The following KSR2 variants were observed in gnomAD, a reference collection of about 807,000 sequenced individuals.
The protein encoded by KSR2 is kinase suppressor of ras 2.
A neutral mutation model predicts 107.8 loss-of-function variants in KSR2; 25 were observed. The observed-to-expected ratio is 0.23, with a 90% CI of 0.17 to 0.32. KSR2 has a LOEUF of 0.32. Ranked by LOEUF, KSR2 falls within the 10% of genes least tolerant of loss-of-function variation. The pLI is 1.00. For missense variants in KSR2, 887 were observed against 1,268.9 expected (o/e 0.70, Z 4.57); for synonymous variants, 480 against 507.0 (o/e 0.95, Z 0.71).
chr12:117,719,451 C>T (rs1167298498), intron 4 of KSR2, among the ~76,000 whole-genome samples: 1 of 152,214 alleles, frequency 6.6e-6, no homozygotes, highest in Non-Finnish European at 1.5e-5. Context: ...CCACCTTGGC[C>T]TCCCAAAGTG....
intron 14 of KSR2, among the ~76,000 whole-genome samples, chr12:117,512,813 C>T (rs942500022): frequency 1.3e-5 from 2 of 152,114 alleles, no homozygotes; most frequent in African/African-American, 4.8e-5. Context: ...ATCCTGGTCC[C>T]AACCTGACAT....
In KSR2 at chr12:117,951,340, A is replaced by G. The variant is rs75231436; in HGVS notation, c.180+16736T>C. Among the ~76,000 whole-genome samples, 209 of 152,306 alleles carry G rather than the reference A, an allele frequency of 1.4e-3. 3 individuals carry two copies. In the East Asian group the frequency reaches 0.037, roughly 27 times the overall value. On this transcript the variant is annotated intron_variant, in intron 1 of 19. Coordinates refer to ENST00000339824, the MANE Select transcript of KSR2 (RefSeq NM_173598.6). Reference sequence around the variant, plus strand: ...CTGCTTCTCCAAGTCAGATATAGATAAAATAAAAACGGTGGCATCTAAACT... The same window carrying G: ...CTGCTTCTCCAAGTCAGATATAGATGAAATAAAAACGGTGGCATCTAAACT...
intron 4 of KSR2, among the ~76,000 whole-genome samples, chr12:117,744,774 C>G (rs1007307463): frequency 2.0e-5 from 3 of 152,172 alleles, no homozygotes; most frequent in African/African-American, 7.2e-5. Context: ...TTTTCTCAAA[C>G]TAGACTTGAA....
intron 9 of KSR2, among the ~76,000 whole-genome samples, chr12:117,546,921 G>A (rs896865588): frequency 1.3e-5 from 2 of 152,094 alleles, no homozygotes; most frequent in African/African-American, 4.8e-5. Context: ...ATTGCTTATT[G>A]AAGTATTTTT....
At chr12:117,828,285 A>C (rs1012619756) in intron 3 of KSR2, among the ~76,000 whole-genome samples, 1 of 152,154 alleles carries the variant, frequency 6.6e-6, no homozygotes, top group Admixed American at 6.5e-5. Context: ...ACTTGTTTCA[A>C]CCTATGATTA....
rs778627658 is a variant in KSR2 at position 117,558,584 on chromosome 12, TAAAG to T, written c.1326-15_1326-12del. Reference sequence around the variant, plus strand: ...TTGTGGCACTTTAACCTGAGAAAGATAAAGAGAGAGAAAGATGGATAGGTGAATG... The same window carrying T: ...TTGTGGCACTTTAACCTGAGAAAGATAGAGAGAAAGATGGATAGGTGAATG... On this transcript the variant is annotated splice_polypyrimidine_tract_variant and intron_variant, in intron 7 of 19. Coordinates refer to ENST00000339824, the MANE Select transcript of KSR2 (RefSeq NM_173598.6). 137 of 1,611,302 alleles carry T rather than the reference TAAAG, an allele frequency of 8.5e-5. No individual in the cohort carries two copies. The highest frequency in any genetic ancestry group is 1.1e-4 in the Non-Finnish European group (131 of 1,177,914).
intron 3 of KSR2, among the ~76,000 whole-genome samples, chr12:117,767,004 C>T (rs892988933): frequency 3.9e-5 from 6 of 151,902 alleles, no homozygotes; most frequent in Admixed American, 3.3e-4. Context: ...CCTGCCTCAG[C>T]CTCTCGAGTA....
chr12:117,965,111 T>C (rs1028104679), intron 1 of KSR2, among the ~76,000 whole-genome samples: 1 of 152,206 alleles, frequency 6.6e-6, no homozygotes, highest in Non-Finnish European at 1.5e-5. Context: ...AATCAAATCA[T>C]CTGCAAGGTG....
At chr12:117,781,376 G>A (rs1889881791) in intron 3 of KSR2, among the ~76,000 whole-genome samples, 2 of 152,172 alleles carry the variant, frequency 1.3e-5, no homozygotes, top group Admixed American at 1.3e-4. Context: ...AAGTGTCCCA[G>A]CCAGAACCAG....
At chr12:117,535,149 C>T (rs796104373) in intron 10 of KSR2, among the ~76,000 whole-genome samples, 10 of 152,098 alleles carry the variant, frequency 6.6e-5, no homozygotes, top group African/African-American at 1.2e-4. Context: ...ACAGTAGATG[C>T]GTAATAAATA....
intron 3 of KSR2, among the ~76,000 whole-genome samples, chr12:117,782,967 CA>C (rs1159170603): frequency 2.0e-5 from 3 of 152,078 alleles, no homozygotes; most frequent in African/African-American, 7.2e-5. Flanking sequence ...CTAAAAGAAA[CA>C]ACAAAGTAAG....
intron 3 of KSR2, among the ~76,000 whole-genome samples, chr12:117,840,736 C>T (rs117226666): frequency 2.0e-5 from 3 of 151,956 alleles, no homozygotes. Context: ...GGCATGGTGG[C>T]TTACGCCTAT....
intron 3 of KSR2, among the ~76,000 whole-genome samples, chr12:117,806,457 C>T (rs1404103057): frequency 6.6e-6 from 1 of 152,166 alleles, no homozygotes; most frequent in East Asian, 1.9e-4. Context: ...GCTCCATTTC[C>T]CTCTCTCTAA....
At chr12:117,475,390 C>T (rs1871716648) in intron 17 of KSR2, among the ~76,000 whole-genome samples, 1 of 151,538 alleles carries the variant, frequency 6.6e-6, no homozygotes, top group Admixed American at 6.6e-5. Context: ...TCCCCCAACC[C>T]TTCTATATAT....
At chr12:117,802,822 T>C (rs1238044860) in intron 3 of KSR2, among the ~76,000 whole-genome samples, 1 of 152,122 alleles carries the variant, frequency 6.6e-6, no homozygotes, top group Non-Finnish European at 1.5e-5. Context: ...GAGCGACATA[T>C]TGACTCCCAG....
At chr12:117,472,008 C>T (rs1242794905) in intron 17 of KSR2, among the ~76,000 whole-genome samples, 1 of 151,350 alleles carries the variant, frequency 6.6e-6, no homozygotes, top group Non-Finnish European at 1.5e-5. Flanking sequence ...TATAAACCAC[C>T]CTGCGGAACG....
intron 5 of KSR2, among the ~76,000 whole-genome samples, chr12:117,659,200 G>T (rs1455572716): frequency 6.6e-6 from 1 of 152,098 alleles, no homozygotes; most frequent in African/African-American, 2.4e-5. Flanking sequence ...AGACACAAAT[G>T]GCCCCCTTGC....
chr12:117,582,169 TG>T, intron 6 of KSR2, 120 bp downstream of exon 6: 1 of 755,314 alleles, frequency 1.3e-6, no homozygotes. Context: ...GAAAGGGACA[TG>T]GTGATGTAGG....
At chr12:117,500,094 T>C (rs1268440607) in intron 14 of KSR2, among the ~76,000 whole-genome samples, 3 of 152,220 alleles carry the variant, frequency 2.0e-5, no homozygotes, top group Non-Finnish European at 4.4e-5. Flanking sequence ...GGAAGTTATC[T>C]GAGCACGGAA....
Sources: gnomAD v4.1 joint callset for allele counts (sites outside exome capture counted in the v4.1 genomes callset) on GRCh38, gnomAD v4.1.1 for gene constraint, MANE v1.5 for transcripts, NCBI Gene and HGNC (gene_info 2026-07-23, HGNC 2026-07-21) for gene names.